The following CPNE5 variants were observed in gnomAD, a reference collection of about 807,000 sequenced individuals.
The protein encoded by CPNE5 is copine-5.
Under a neutral mutation model 81.1 loss-of-function variants are expected in CPNE5, and 42 were observed. The ratio of observed to expected loss-of-function variants is 0.52; its 90% confidence interval spans 0.40 to 0.67. CPNE5 has a LOEUF of 0.67. Among genes scored for constraint, CPNE5 ranks in the 30% least tolerant of loss-of-function variants. CPNE5 has a pLI of 0.00. For missense variants in CPNE5, 612 were observed against 815.5 expected (o/e 0.75, Z 3.04); for synonymous variants, 313 against 321.5 (o/e 0.97, Z 0.28).
chr6:36,807,807 A>T (rs879711848), intron 3 of CPNE5, among the ~76,000 whole-genome samples: 11 of 152,086 alleles, frequency 7.2e-5, no homozygotes, highest in Admixed American at 2.6e-4. Flanking sequence ...TACTCTCCCT[A>T]CGGGCTACCC....
chr6:36,742,066 A>AC lies in CPNE5; in HGVS notation c.*201dup. ...CCCTGTGTACCCCTCTTTCACCCGTACCCCCCTAACTCCCTGGGTTTGGGC... is the reference window on the plus strand; with the variant it reads ...CCCTGTGTACCCCTCTTTCACCCGTACCCCCCCTAACTCCCTGGGTTTGGGC... On this transcript the variant is annotated 3_prime_UTR_variant, in exon 21 of 21. Transcript: ENST00000244751. 1.8e-6 allele frequency: 1 copy of AC among 564,022 alleles called. No homozygotes were observed. The highest frequency in any genetic ancestry group is 3.2e-6 in the Non-Finnish European group (1 of 317,298). The allele number at this position is 564,022 out of a possible 1,614,324, so 34.9% of individuals were successfully genotyped here. A position where few individuals can be genotyped will look rare whatever the true frequency, so the allele number is the denominator to read the frequency against.
intron 3 of CPNE5, among the ~76,000 whole-genome samples, chr6:36,800,274 C>G (rs534976343): frequency 6.6e-6 from 1 of 152,322 alleles, no homozygotes; most frequent in South Asian, 2.1e-4. Flanking sequence ...TACAGTATGG[C>G]TCCAACCCGT....
At chr6:36,747,241 C>T (rs1057422441) in intron 15 of CPNE5, among the ~76,000 whole-genome samples, 3 of 130,852 alleles carry the variant, frequency 2.3e-5, no homozygotes, top group Non-Finnish European at 5.2e-5. Flanking sequence ...ATCCTTCTTC[C>T]TGGCTTGATT....
chr6:36,745,221 C>G (rs1027335708), intron 17 of CPNE5, 71 bp from the exon 18 acceptor site: 3 of 1,466,618 alleles, frequency 2.0e-6, no homozygotes, highest in Non-Finnish European at 2.8e-6. Flanking sequence ...AAACAAGGAC[C>G]CTGAACACTT....
intron 10 of CPNE5, among the ~76,000 whole-genome samples, chr6:36,770,640 T>C (rs1440113130): frequency 6.6e-6 from 1 of 152,022 alleles, no homozygotes; most frequent in African/African-American, 2.4e-5. Flanking sequence ...GCTCCTGGCC[T>C]CTGGCATCAC....
intron 10 of CPNE5, among the ~76,000 whole-genome samples, chr6:36,774,398 A>G (rs1436125022): frequency 6.6e-6 from 1 of 152,082 alleles, no homozygotes; most frequent in African/African-American, 2.4e-5. Context: ...AAAAAAAGAG[A>G]AAGAAATCCC....
intron 10 of CPNE5, among the ~76,000 whole-genome samples, chr6:36,773,345 C>T (rs959413432): frequency 2.0e-5 from 3 of 152,226 alleles, no homozygotes; most frequent in Admixed American, 6.5e-5. Flanking sequence ...CAGAAACCAA[C>T]ACAGTCTCAC....
chr6:36,825,856 AG>A (rs1772455756), intron 1 of CPNE5, among the ~76,000 whole-genome samples: 1 of 152,186 alleles, frequency 6.6e-6, no homozygotes. Context: ...AGTGATAAGG[AG>A]GAGGGGGACT....
intron 12 of CPNE5, among the ~76,000 whole-genome samples, chr6:36,760,052 CAA>C (rs773932389): frequency 1.9e-4 from 24 of 124,018 alleles, no homozygotes; most frequent in South Asian, 3.1e-4. Flanking sequence ...ACCAAAAATG[CAA>C]AAAAAAAAAA....
intron 19 of CPNE5, 120 bp downstream of exon 19, chr6:36,744,148 T>C: frequency 2.4e-6 from 2 of 837,470 alleles, no homozygotes; most frequent in Non-Finnish European, 2.0e-6. Context: ...AGGCGGGAGC[T>C]CTCACTCTTT....
intron 1 of CPNE5, among the ~76,000 whole-genome samples, chr6:36,825,963 C>T (rs2150598801): frequency 6.6e-6 from 1 of 152,228 alleles, no homozygotes; most frequent in East Asian, 1.9e-4. Context: ...TGGAGAGGAC[C>T]TCAGAGGTCA....
chr6:36,825,937 C>T (rs1354701956), intron 1 of CPNE5, among the ~76,000 whole-genome samples: 1 of 152,108 alleles, frequency 6.6e-6, no homozygotes, highest in African/African-American at 2.4e-5. Context: ...GACATAAAAT[C>T]CTCGAATGTT....
intron 15 of CPNE5, among the ~76,000 whole-genome samples, chr6:36,747,861 T>C (rs1582700451): frequency 6.6e-6 from 1 of 152,224 alleles, no homozygotes; most frequent in East Asian, 1.9e-4. Context: ...GCCTTGGCTC[T>C]GATTCTCCAC....
intron 12 of CPNE5, among the ~76,000 whole-genome samples, chr6:36,762,227 CAAA>C (rs57426698): frequency 3.3e-5 from 4 of 122,982 alleles, no homozygotes; most frequent in Admixed American, 8.6e-5. Context: ...GGCCCTGTCT[CAAA>C]AAAAAAAAAA....
chr6:36,782,967 C>T (rs1768178938), intron 8 of CPNE5, among the ~76,000 whole-genome samples: 1 of 151,944 alleles, frequency 6.6e-6, no homozygotes, highest in African/African-American at 2.4e-5. Flanking sequence ...CTCTCTGAGG[C>T]TGGGTAATGT....
chr6:36,830,623 C>T (rs148902665), intron 1 of CPNE5, among the ~76,000 whole-genome samples: 5 of 152,246 alleles, frequency 3.3e-5, no homozygotes, highest in Non-Finnish European at 5.9e-5. Context: ...AATAATTGTC[C>T]CTCTCACACT....
rs527797208 is a variant in CPNE5 at position 36,768,225 on chromosome 6, C to CTTTTTTTCTTTTTTTTTTTTTT, written c.738-2850_738-2849insAAAAAAAAAAAAAAGAAAAAAA. On this transcript the variant is annotated intron_variant, in intron 10 of 20. Coordinates refer to ENST00000244751, the MANE Select transcript of CPNE5 (RefSeq NM_020939.2). ...GGCTTTGACTACTCTATTCACAGTT[C>CTTTTTTTCTTTTTTTTTTTTTT]TTTTTTTTTTTTTTTTTTTTTTTTT... 6.7e-3 allele frequency among the ~76,000 whole-genome samples: 406 copies of CTTTTTTTCTTTTTTTTTTTTTT among 60,518 alleles called. 70 individuals carry two copies. The highest frequency in any genetic ancestry group is 0.015 in the Middle Eastern group (1 of 68). The allele number at this position is 60,518 out of a possible 152,430, so 39.7% of individuals were successfully genotyped here.
intron 7 of CPNE5, among the ~76,000 whole-genome samples, chr6:36,793,998 C>G (rs964764208): frequency 6.6e-6 from 1 of 152,082 alleles, no homozygotes; most frequent in Non-Finnish European, 1.5e-5. Flanking sequence ...GGAGGCTCTG[C>G]GTTGGCCACA....
intron 3 of CPNE5, among the ~76,000 whole-genome samples, chr6:36,805,023 A>G (rs1389921365): frequency 1.3e-5 from 2 of 152,190 alleles, no homozygotes; most frequent in Non-Finnish European, 2.9e-5. Flanking sequence ...GAAAAATGCT[A>G]AAACTTGGAT....
Sources: gnomAD v4.1 joint callset for allele counts (sites outside exome capture counted in the v4.1 genomes callset) on GRCh38, gnomAD v4.1.1 for gene constraint, MANE v1.5 for transcripts, NCBI Gene and HGNC (gene_info 2026-07-23, HGNC 2026-07-21) for gene names.